The following ZNF385D variants were observed in gnomAD, a reference collection of about 807,000 sequenced individuals.
ZNF385D encodes the protein zinc finger protein 385D.
A neutral mutation model predicts 35.8 loss-of-function variants in ZNF385D; 15 were observed. The observed-to-expected ratio is 0.42, with a 90% CI of 0.28 to 0.64. The LOEUF (loss-of-function observed/expected upper bound fraction) is 0.64. Ranked by LOEUF, ZNF385D falls within the 30% of genes least tolerant of loss-of-function variation. ZNF385D has a pLI of 0.23. For missense variants in ZNF385D, 474 were observed against 494.6 expected, an observed-to-expected ratio of 0.96 and a Z score of 0.39; for synonymous variants, 212 against 186.8, an observed-to-expected ratio of 1.13 and a Z score of -1.10.
At chr3:21,778,017 T>C (rs1482064514) in intron 3 of ZNF385D, among the ~76,000 whole-genome samples, 3 of 151,910 alleles carry the variant, frequency 2.0e-5, no homozygotes, top group Non-Finnish European at 4.4e-5. Context: ...GTAATAGACA[T>C]AATAAGTAAC....
intron 3 of ZNF385D, among the ~76,000 whole-genome samples, chr3:22,143,106 G>A (rs1264337404): frequency 2.8e-5 from 3 of 106,090 alleles, no homozygotes; most frequent in African/African-American, 7.8e-5. Context: ...TGTGTGTGAC[G>A]GAGTCTCACT....
chr3:22,176,936 G>A (rs139978433), intron 2 of ZNF385D, among the ~76,000 whole-genome samples: 63 of 152,186 alleles, frequency 4.1e-4, no homozygotes, highest in African/African-American at 1.3e-3. Context: ...TCAACGTCAC[G>A]AATGTATTCC....
chr3:22,082,323 C>G (rs1286764320), intron 3 of ZNF385D, among the ~76,000 whole-genome samples: 3 of 152,132 alleles, frequency 2.0e-5, no homozygotes, highest in Non-Finnish European at 4.4e-5. Flanking sequence ...CAGACAGTAC[C>G]TGGAAAATTG....
intron 3 of ZNF385D, among the ~76,000 whole-genome samples, chr3:21,999,138 C>A (rs78528841): frequency 6.6e-6 from 1 of 152,160 alleles, no homozygotes; most frequent in African/African-American, 2.4e-5. Flanking sequence ...GTCAGGTTCA[C>A]AGAACTGCAG....
At chr3:21,930,187 G>A (rs752133026) in intron 3 of ZNF385D, among the ~76,000 whole-genome samples, 2 of 151,830 alleles carry the variant, frequency 1.3e-5, no homozygotes, top group Non-Finnish European at 2.9e-5. Context: ...AAAGTTAAAG[G>A]GGTGAAAGAA....
chr3:22,032,003 G>T (rs1249481400), intron 3 of ZNF385D, among the ~76,000 whole-genome samples: 2 of 152,174 alleles, frequency 1.3e-5, no homozygotes, highest in Admixed American at 6.5e-5. Flanking sequence ...TAGGGCAGGG[G>T]CAAAATGCCA....
In ZNF385D at chr3:21,962,177, G is replaced by A. The variant is rs572832013; in HGVS notation, c.325+206640C>T. Among the ~76,000 whole-genome samples the A allele has an allele frequency of 1.2e-4, 18 of 152,258 alleles. No homozygotes were observed. In the East Asian group the frequency reaches 3.5e-3, roughly 29 times the overall value. ...GACAGAAAATGTTTAAGAGGATATT[G>A]CTGGGAAGAGATGATTATGTATTTG... On this transcript the variant is annotated intron_variant, in intron 3 of 5. Transcript: ENST00000494108.
intron 2 of ZNF385D, among the ~76,000 whole-genome samples, chr3:22,236,821 G>C (rs1247195161): frequency 6.6e-6 from 1 of 152,116 alleles, no homozygotes; most frequent in African/African-American, 2.4e-5. Context: ...GTCCTTTTGT[G>C]TCTGGCTTCT....
At chr3:21,718,285 T>G (rs1371793881) in intron 1 of ZNF385D, among the ~76,000 whole-genome samples, 2 of 152,204 alleles carry the variant, frequency 1.3e-5, no homozygotes, top group Non-Finnish European at 2.9e-5. Context: ...GACTCCACTC[T>G]GCAATTTGAT....
chr3:21,999,745 G>A (rs187713193), intron 3 of ZNF385D, among the ~76,000 whole-genome samples: 1 of 146,008 alleles, frequency 6.8e-6, no homozygotes, highest in East Asian at 2.0e-4. Flanking sequence ...CTTGAAAGTA[G>A]TTCTTGTAAA....
intron 1 of ZNF385D, among the ~76,000 whole-genome samples, chr3:21,671,579 A>G (rs546777152): frequency 6.6e-6 from 1 of 152,344 alleles, no homozygotes; most frequent in East Asian, 1.9e-4. Context: ...ATCTTACCAG[A>G]AAGAAACTGA....
intron 2 of ZNF385D, among the ~76,000 whole-genome samples, chr3:22,330,630 C>A (rs1291684020): frequency 6.6e-6 from 1 of 152,186 alleles, no homozygotes; most frequent in Non-Finnish European, 1.5e-5. Flanking sequence ...AGGTTCTCTT[C>A]CCACTTTCCA....
At chr3:21,834,766 T>C (rs1187141833) in intron 3 of ZNF385D, among the ~76,000 whole-genome samples, 1 of 36,796 alleles carries the variant, frequency 2.7e-5, no homozygotes, top group Non-Finnish European at 5.0e-5. Context: ...TCGTGGGAGA[T>C]GAATGGATCT....
intron 4 of ZNF385D, among the ~76,000 whole-genome samples, chr3:21,454,524 A>C (rs901016354): frequency 6.6e-6 from 1 of 152,066 alleles, no homozygotes; most frequent in African/African-American, 2.4e-5. Flanking sequence ...AAGCATTCCA[A>C]GCATGCTCCC....
chr3:21,900,765 G>T (rs535234203), intron 3 of ZNF385D, among the ~76,000 whole-genome samples: 5 of 152,272 alleles, frequency 3.3e-5, no homozygotes, highest in African/African-American at 1.2e-4. Flanking sequence ...AATTCATTGT[G>T]ATTTGTTCAG....
intron 3 of ZNF385D, among the ~76,000 whole-genome samples, chr3:21,989,828 G>C (rs1030465092): frequency 3.9e-5 from 6 of 152,134 alleles, no homozygotes; most frequent in African/African-American, 1.2e-4. Flanking sequence ...TTTGGCACAA[G>C]CTGTGCCACT....
intron 2 of ZNF385D, among the ~76,000 whole-genome samples, chr3:22,288,364 A>T (rs778708931): frequency 2.2e-4 from 33 of 151,974 alleles, no homozygotes; most frequent in Non-Finnish European, 3.8e-4. Context: ...TTCTCCTGGA[A>T]TTCTAATAAT....
Position 21,684,475 on chromosome 3 carries a change from C to T in ZNF385D, c.23-19447G>A, listed in dbSNP as rs1394349082. ...TTCGTAGCTTTACATTCTTTACCAT[C>T]AACTGTGACCCAACCCAGACCATTT... On this transcript the variant is annotated intron_variant, in intron 1 of 7. Coordinates refer to ENST00000281523, the MANE Select transcript of ZNF385D (RefSeq NM_024697.3). Among the ~76,000 whole-genome samples the T allele has an allele frequency of 2.0e-5, 3 of 146,782 alleles. No individual in the cohort carries two copies. In the South Asian group the frequency reaches 6.6e-4, roughly 32 times the overall value.
At chr3:22,370,697 A>T (rs79831198) in intron 2 of ZNF385D, among the ~76,000 whole-genome samples, 35,810 of 152,084 alleles carry the variant, frequency 0.24, 4,493 homozygotes, top group Non-Finnish European at 0.28. Flanking sequence ...CCAATTTAAC[A>T]TCTCTAAATC....
Sources: allele counts gnomAD v4.1 joint callset (sites outside exome capture counted in the v4.1 genomes callset), GRCh38; gene constraint gnomAD v4.1.1; transcripts MANE v1.5; gene names NCBI Gene and HGNC (gene_info 2026-07-23, HGNC 2026-07-21).